The following RPS6KA2 variants were observed in gnomAD, a reference collection of about 807,000 sequenced individuals.
RPS6KA2 encodes the protein ribosomal protein S6 kinase alpha-2.
A neutral mutation model predicts 91.8 loss-of-function variants in RPS6KA2; 42 were observed. The observed-to-expected ratio is 0.46, with a 90% CI of 0.36 to 0.59. The LOEUF (loss-of-function observed/expected upper bound fraction) is 0.59. Among genes scored for constraint, RPS6KA2 ranks in the 20% least tolerant of loss-of-function variants. The probability of loss-of-function intolerance (pLI) is 0.00; values close to 1 mark genes in which losing one functional copy is unlikely to be tolerated. For synonymous variants in RPS6KA2, 414 were observed against 393.6 expected (o/e 1.05, Z -0.61); for missense variants, 798 against 978.5 (o/e 0.82, Z 2.46).
At chr6:166,756,007 G>C (rs1211792614) in intron 2 of RPS6KA2, among the ~76,000 whole-genome samples, 2 of 152,096 alleles carry the variant, frequency 1.3e-5, no homozygotes, top group Admixed American at 6.5e-5. Flanking sequence ...TATTTCAGGA[G>C]TAATTTCAAA....
intron 2 of RPS6KA2, among the ~76,000 whole-genome samples, chr6:166,647,835 C>A (rs1216202060): frequency 2.3e-5 from 3 of 128,544 alleles, no homozygotes; most frequent in Non-Finnish European, 5.3e-5. Flanking sequence ...CATGCACATG[C>A]TCACACACGC....
upstream of RPS6KA2, chr6:166,627,902 C>T (rs6929319): frequency 0.14 from 21,237 of 152,288 alleles, 1,549 homozygotes; most frequent in Non-Finnish European, 0.16. Context: ...CCGCCGCCTG[C>T]CAGCGGGCCC....
chr6:166,620,873 T>G (rs537670696), intron 1 of RPS6KA2, among the ~76,000 whole-genome samples: 21 of 152,268 alleles, frequency 1.4e-4, no homozygotes, highest in African/African-American at 5.1e-4. Flanking sequence ...GCAAGAACAC[T>G]AGGGCAGTGT....
At chr6:166,655,552 G>A (rs903614090) in intron 2 of RPS6KA2, among the ~76,000 whole-genome samples, 1 of 152,256 alleles carries the variant, frequency 6.6e-6, no homozygotes, top group Non-Finnish European at 1.5e-5. Flanking sequence ...CACCTGGCTG[G>A]TGGATCTGAG....
At chr6:166,697,078 T>C (rs1583028613) in intron 2 of RPS6KA2, among the ~76,000 whole-genome samples, 2 of 142,528 alleles carry the variant, frequency 1.4e-5, no homozygotes. Flanking sequence ...TGTGTGTGTG[T>C]GTATTTGTAT....
Position 166,533,251 on chromosome 6 carries a change from G to A in RPS6KA2, c.217-1938C>T, listed in dbSNP as rs957032248. Among the ~76,000 whole-genome samples the A allele has an allele frequency of 3.3e-5, 5 of 152,286 alleles. No homozygotes were observed. The highest frequency in any genetic ancestry group is 1.2e-4 in the African/African-American group (5 of 41,568). On this transcript the variant is annotated intron_variant, in intron 2 of 20. Coordinates refer to ENST00000265678, the MANE Select transcript of RPS6KA2 (RefSeq NM_021135.6). The surrounding 1 kb of genome is among the most constrained non-coding windows in gnomAD (Gnocchi z 4.0). The stretch of plus-strand genomic sequence containing the variant: ...GCAACTCCTTTCATTTCTCCAGCCC[G>A]TCCGTGTGCCTAATGTCCCTAGGTT...
chr6:166,728,582 C>CA (rs1376654393), intron 2 of RPS6KA2, among the ~76,000 whole-genome samples: 1 of 152,064 alleles, frequency 6.6e-6, no homozygotes, highest in African/African-American at 2.4e-5. Flanking sequence ...TCCTCCCCGT[C>CA]AGCCAGACTC....
At chr6:166,844,523 AG>A (rs1462594820) in intron 2 of RPS6KA2, among the ~76,000 whole-genome samples, 1 of 152,264 alleles carries the variant, frequency 6.6e-6, no homozygotes, top group Non-Finnish European at 1.5e-5. Context: ...ATGAGGCAAA[AG>A]CATCAGGTAA....
At chr6:166,791,886 A>G (rs1351698132) in intron 2 of RPS6KA2, among the ~76,000 whole-genome samples, 1 of 152,032 alleles carries the variant, frequency 6.6e-6, no homozygotes, top group Admixed American at 6.5e-5. Context: ...GGAAATTTAT[A>G]GTACTAAATG....
intron 2 of RPS6KA2, chr6:166,701,955 T>A (rs1412598965): frequency 9.3e-6 from 10 of 1,072,754 alleles, no homozygotes; most frequent in Non-Finnish European, 1.5e-5. Flanking sequence ...TCTTTACCAA[T>A]AAGACGGCCA....
chr6:166,646,210 A>AG (rs59980306), intron 2 of RPS6KA2, among the ~76,000 whole-genome samples: 29,061 of 152,020 alleles, frequency 0.19, 3,265 homozygotes, highest in African/African-American at 0.31. Context: ...AGTCTCTCAG[A>AG]TCACGTGGAA....
chr6:166,730,272 C>G (rs1790470184), intron 2 of RPS6KA2, among the ~76,000 whole-genome samples: 3 of 147,014 alleles, frequency 2.0e-5, no homozygotes, highest in African/African-American at 8.0e-5. Context: ...GAGGCATTGT[C>G]AAATGATAAA....
upstream of RPS6KA2, among the ~76,000 whole-genome samples, chr6:166,629,224 G>T (rs116867120): frequency 6.6e-6 from 1 of 152,230 alleles, no homozygotes; most frequent in South Asian, 2.1e-4. Context: ...AATACTGGCC[G>T]GAGACAGGAG....
intron 12 of RPS6KA2, among the ~76,000 whole-genome samples, chr6:166,451,919 G>A (rs1779928806): frequency 6.6e-6 from 1 of 151,900 alleles, no homozygotes; most frequent in Non-Finnish European, 1.5e-5. Context: ...CCCTCGTGGG[G>A]AAAAAAAATC....
chr6:166,763,951 T>C (rs1320182900), intron 2 of RPS6KA2, among the ~76,000 whole-genome samples: 1 of 152,222 alleles, frequency 6.6e-6, no homozygotes, highest in Admixed American at 6.5e-5. Flanking sequence ...AATGCTGAAT[T>C]GTGTGGCAGA....
intron 2 of RPS6KA2, among the ~76,000 whole-genome samples, chr6:166,808,131 C>T (rs967301655): frequency 1.3e-5 from 2 of 152,326 alleles, no homozygotes; most frequent in Admixed American, 6.5e-5. Flanking sequence ...CAAGGCCAAG[C>T]TCCCCGTGGT....
chr6:166,518,251 C>CAAAA (rs11373431), intron 3 of RPS6KA2, among the ~76,000 whole-genome samples: 19 of 87,176 alleles, frequency 2.2e-4, no homozygotes, highest in African/African-American at 6.8e-4. Context: ...AACACTGCCT[C>CAAAA]AAAAAAAAAA....
rs559626599 is a variant in RPS6KA2, at chr6:166,701,189, C to A, written c.123+157011G>T. The A allele has an allele frequency of 5.5e-5, 89 of 1,612,178 alleles. No homozygotes were observed. The East Asian group carries it at 1.7e-3, about 30-fold the overall frequency. ...AGAATTTCCTGAATTTTTCTCTGGG[C>A]AACCTGGCAAGCATAGAAGTGACCA... On this transcript the variant is annotated intron_variant, in intron 2 of 21. Coordinates refer to the RPS6KA2 transcript ENST00000503859.
At chr6:166,440,142 GT>G (rs889244831) in intron 14 of RPS6KA2, 1 of 152,230 alleles carries the variant, frequency 6.6e-6, no homozygotes, top group African/African-American at 2.4e-5. Context: ...TAGATGTGGG[GT>G]AATGTGTTGC....
Sources: gnomAD v4.1 joint callset for allele counts (sites outside exome capture counted in the v4.1 genomes callset) on GRCh38, gnomAD v4.1.1 for gene constraint, Gnocchi (gnomAD v3.1) non-coding constraint, MANE v1.5 for transcripts, NCBI Gene and HGNC (gene_info 2026-07-23, HGNC 2026-07-21) for gene names.